TNRC18: variants seen among roughly 807,000 people sequenced by gnomAD.
TNRC18 encodes the protein trinucleotide repeat-containing gene 18 protein.
In TNRC18, 69 loss-of-function variants were observed where a neutral mutation model predicts 226.7. That is an observed-to-expected ratio of 0.30 (90% confidence interval 0.25 to 0.37). The LOEUF is 0.37. Among genes scored for constraint, TNRC18 ranks in the 10% least tolerant of loss-of-function variants. The pLI is 1.00. For missense variants in TNRC18, 4,754 were observed against 4,256.6 expected (o/e 1.12, Z -3.25); for synonymous variants, 2,449 against 1,927.6 (o/e 1.27, Z -7.09).
intron 2 of TNRC18, among the ~76,000 whole-genome samples, chr7:5,397,754 C>G (rs1180440531): frequency 1.3e-5 from 2 of 152,084 alleles, no homozygotes; most frequent in Non-Finnish European, 2.9e-5. Flanking sequence ...CCCAGAGAAG[C>G]CTCCAACAGC....
intron 19 of TNRC18, among the ~76,000 whole-genome samples, chr7:5,331,876 C>T (rs1789559374): frequency 6.6e-6 from 1 of 152,166 alleles, no homozygotes; most frequent in Admixed American, 6.5e-5. Context: ...CAGCACTGCA[C>T]TCCAGCCTGG....
chr7:5,384,136 G>A (rs1041331156), intron 5 of TNRC18, among the ~76,000 whole-genome samples: 2 of 151,914 alleles, frequency 1.3e-5, no homozygotes, highest in East Asian at 3.9e-4. Context: ...GGCTAATATT[G>A]TATTTTTAGT....
At chr7:5,353,261 G>A (rs1443442701) in intron 16 of TNRC18, among the ~76,000 whole-genome samples, 1 of 152,220 alleles carries the variant, frequency 6.6e-6, no homozygotes, top group Non-Finnish European at 1.5e-5. Context: ...GGGAGGTCGG[G>A]TGCAATGGCT....
In TNRC18 at chr7:5,324,515, G is replaced by A. The variant is rs1788700367; in HGVS notation, c.6301-160C>T. ...GTTAGGGGCACCCCAGAGGCCAGGG[G>A]GAAGGTGAAATGGGCCCAAAACCCA... On this transcript the variant is annotated intron_variant, in intron 20 of 29. Transcript: ENST00000430969. This position sits in a 1 kb window ranked among gnomAD's most constrained non-coding sequence, Gnocchi z 4.8. Among the ~76,000 whole-genome samples the A allele has an allele frequency of 1.3e-5, 2 of 152,170 alleles. No homozygotes were observed. Among genetic ancestry groups the A allele is most frequent in the Non-Finnish European group, 2.9e-5 (2 of 68,018 alleles).
rs1794112204 is a variant in TNRC18, at chr7:5,371,114, T to G, written c.3480A>C (p.Ala1160=). The part of the protein sequence containing the change: ...EEPLAEREVK[A]EVEDMDEGPT... The stretch of plus-strand genomic sequence containing the variant: ...GGCCCTCGTCCATGTCCTCCACCTC[T>G]GCCTTCACCTCCCGCTCAGCCAGCG... The change falls in exon 11 of 30, where the codon GCA becomes GCC. Residue 1160 remains alanine (A), a synonymous_variant. Transcript: ENST00000430969. 2 of 1,612,294 alleles carry G rather than the reference T, an allele frequency of 1.2e-6. No homozygotes were observed. Among genetic ancestry groups the G allele is most frequent in the Admixed American group, 1.7e-5 (1 of 59,962 alleles).
rs776705687 is a variant in TNRC18, at chr7:5,387,744, T to C, written c.2080A>G (p.Ser694Gly). 6.8e-6 allele frequency: 11 copies of C among 1,607,328 alleles called. No individual in the cohort carries two copies. The highest frequency in any genetic ancestry group is 7.6e-6 in the Non-Finnish European group (9 of 1,179,820). ...IAVAVARQKD[S>G]GGSGRLGPGL... ...GGCCCCAGCCGGCCACTGCCGCCAC[T>C]GTCCTTCTGCCGGGCCACAGCCACT... The change falls in exon 5 of 30, where the codon AGT (serine) becomes GGT (glycine). Residue 694 changes from serine to glycine, a missense_variant. By Grantham distance (56) the Ser-to-Gly change is moderately conservative. Coordinates refer to ENST00000430969, the MANE Select transcript of TNRC18 (RefSeq NM_001080495.3).
intron 24 of TNRC18, among the ~76,000 whole-genome samples, chr7:5,317,272 C>A (rs1249286016): frequency 6.6e-6 from 1 of 151,798 alleles, no homozygotes; most frequent in Non-Finnish European, 1.5e-5. Context: ...GAGGGGGGAC[C>A]GGGAAGAGAG....
In TNRC18 at chr7:5,390,575, G is replaced by A. The variant is rs1480552210; in HGVS notation, c.397C>T (p.Leu133=). The A allele has an allele frequency of 3.1e-6, 5 of 1,612,862 alleles. No individual in the cohort carries two copies. Among genetic ancestry groups the A allele is most frequent in the Non-Finnish European group, 4.2e-6 (5 of 1,179,422 alleles). The part of the protein sequence containing the change: ...LYPSYLHLNH[L]EPPSSGSPLL... Reference sequence around the variant, plus strand: ...GGGCTCCCACTGCTGGGGGGCTCCAGGTGGTTCAGGTGGAGGTAGGATGGG... The same window carrying A: ...GGGCTCCCACTGCTGGGGGGCTCCAAGTGGTTCAGGTGGAGGTAGGATGGG... Residue 133 remains leucine, a synonymous_variant, in exon 4 of 30, where the codon CTG becomes TTG. Coordinates refer to ENST00000430969, the MANE Select transcript of TNRC18 (RefSeq NM_001080495.3).
At chr7:5,327,088 A>C (rs563083976) in intron 19 of TNRC18, among the ~76,000 whole-genome samples, 2 of 152,190 alleles carry the variant, frequency 1.3e-5, no homozygotes, top group Non-Finnish European at 2.9e-5. Context: ...GTGCCACTGC[A>C]CTCCAGCCTG....
At chr7:5,349,080 G>A (rs964986051) in intron 17 of TNRC18, among the ~76,000 whole-genome samples, 1 of 152,196 alleles carries the variant, frequency 6.6e-6, no homozygotes, top group East Asian at 1.9e-4. Flanking sequence ...TCAAGCAGCT[G>A]GGGCTGCGGG....
At chr7:5,349,150 C>G (rs934464450) in intron 17 of TNRC18, among the ~76,000 whole-genome samples, 2 of 152,208 alleles carry the variant, frequency 1.3e-5, no homozygotes, top group African/African-American at 4.8e-5. Flanking sequence ...CCCAGAAAGC[C>G]GAGAGCAGCC....
intron 2 of TNRC18, among the ~76,000 whole-genome samples, chr7:5,404,278 G>A (rs191587587): frequency 3.0e-4 from 45 of 152,234 alleles, no homozygotes; most frequent in African/African-American, 9.6e-4. Flanking sequence ...GGCTGAGGCC[G>A]GAGAACTGCT....
At position 5,324,186 on chromosome 7, in the gene TNRC18, C is replaced by G. The variant is rs1418765431; in HGVS notation, c.6442+28G>C. On this transcript the variant is annotated intron_variant, in intron 21 of 29. Transcript: ENST00000430969. This position sits in a 1 kb window ranked among gnomAD's most constrained non-coding sequence, Gnocchi z 4.8. ...CAAGGGAGGCTCCAGCAGCCCCGCC[C>G]GGCACATGTGGCATCACGGCCACTC... 6.4e-7 allele frequency: 1 copy of G among 1,571,978 alleles called. No individual in the cohort carries two copies. Among genetic ancestry groups the G allele is most frequent in the South Asian group, 1.1e-5 (1 of 87,672 alleles).
chr7:5,366,564 T>C (rs1452510299), intron 11 of TNRC18, among the ~76,000 whole-genome samples: 1 of 152,136 alleles, frequency 6.6e-6, no homozygotes, highest in Non-Finnish European at 1.5e-5. Context: ...CCTCAAGTGA[T>C]CCGCCTGCCT....
chr7:5,313,964 T>G, intron 26 of TNRC18, 101 bp from the exon 27 acceptor site: 1 of 1,259,770 alleles, frequency 7.9e-7, no homozygotes, highest in Non-Finnish European at 1.0e-6. Context: ...TTTGTTTTTG[T>G]TTTTGTTTTT....
Position 5,341,375 on chromosome 7 carries a change from C to T in TNRC18, c.5719+4187G>A, listed in dbSNP as rs191908417. Among the ~76,000 whole-genome samples the T allele has an allele frequency of 3.4e-3, 497 of 144,548 alleles. 5 individuals are homozygous for T. The highest frequency in any genetic ancestry group is 0.018 in the Middle Eastern group (5 of 274). 94.8% of individuals were successfully genotyped at this position (144,548 alleles called of 152,430 possible). A position where few individuals can be genotyped will look rare whatever the true frequency, so the allele number is the denominator to read the frequency against. ...CAGAGCTTGCAGTGAGCAGAGATCA[C>T]GCCACTGCACTCCAGCCTGGGCGAC... On this transcript the variant is annotated intron_variant, in intron 18 of 29. Transcript: ENST00000430969.
chr7:5,389,463 T>TTTTTTGTTTTTTTTTTGTTTTTTG lies in TNRC18; in HGVS notation c.488-128_488-127insCAAAAAACAAAAAAAAAACAAAAA, dbSNP rs1319180321. On this transcript the variant is annotated intron_variant, in intron 4 of 29. Transcript: ENST00000430969. ...CCTCCCCCAGTGTTTTGGTTTTGGT[T>TTTTTTGTTTTTTTTTTGTTTTTTG]TTTTTTTTCAGAAAGAGTCTCGCTC... 5.6e-6 allele frequency: 6 copies of TTTTTTGTTTTTTTTTTGTTTTTTG among 1,068,444 alleles called. No homozygotes were observed. In the African/African-American group the frequency reaches 1.1e-4, roughly 20 times the overall value. 66.2% of individuals were successfully genotyped at this position (1,068,444 alleles called of 1,614,324 possible).
intron 2 of TNRC18, among the ~76,000 whole-genome samples, chr7:5,401,461 T>C (rs1393633266): frequency 6.6e-6 from 1 of 152,196 alleles, no homozygotes; most frequent in Non-Finnish European, 1.5e-5. Context: ...CAGCCTTCCC[T>C]GTCCTTTTTC....
At chr7:5,401,882 A>T (rs569400361) in intron 2 of TNRC18, among the ~76,000 whole-genome samples, 3 of 152,284 alleles carry the variant, frequency 2.0e-5, no homozygotes, top group African/African-American at 7.2e-5. Flanking sequence ...GGAGCTTAAG[A>T]ACGGCCTGGT....
Sources: gnomAD v4.1 joint callset for allele counts (sites outside exome capture counted in the v4.1 genomes callset) on GRCh38, gnomAD v4.1.1 for gene constraint, Gnocchi (gnomAD v3.1) non-coding constraint, MANE v1.5 for transcripts, NCBI Gene and HGNC (gene_info 2026-07-23, HGNC 2026-07-21) for gene names.